The following ACSF3 variants were observed in gnomAD, a reference collection of about 807,000 sequenced individuals.
ACSF3 encodes the protein malonate--CoA ligase ACSF3, mitochondrial.
Under a neutral mutation model 53.2 loss-of-function variants are expected in ACSF3, and 78 were observed. The observed-to-expected ratio is 1.47, with a 90% CI of 1.22 to 1.77. The LOEUF is 1.77. Among genes scored for constraint, ACSF3 ranks in the 40% most tolerant of loss-of-function variants. The pLI is 0.00. For synonymous variants in ACSF3, 414 were observed against 333.1 expected (o/e 1.24, Z -2.65); for missense variants, 937 against 771.1 (o/e 1.22, Z -2.55).
chr16:89,146,016 C>G lies in ACSF3; in HGVS notation c.1580C>G (p.Ser527Ter), dbSNP rs1457774840. Residue 527 changes from serine to a stop codon, truncating the protein, a stop_gained, in exon 10 of 11, where the codon TCA (serine) becomes TGA (stop). Transcript: ENST00000614302. LOFTEE classifies it high-confidence loss of function. ...GTGGTGACCCTCCGAGAAGGACACTCACTGTCCCACAGGGAGCTCAAAGAG... is the reference window on the plus strand; with the variant it reads ...GTGGTGACCCTCCGAGAAGGACACTGACTGTCCCACAGGGAGCTCAAAGAG... ...TAVVTLREGHSLSHRELKEWA... is the reference protein window; with the variant it reads ...TAVVTLREGH The G allele has an allele frequency of 1.3e-5, 21 of 1,600,514 alleles. No individual in the cohort carries two copies. The highest frequency in any genetic ancestry group is 1.7e-5 in the Non-Finnish European group (20 of 1,171,548).
chr16:89,141,246 T>C, intron 8 of ACSF3: 1 of 1,287,200 alleles, frequency 7.8e-7, no homozygotes, highest in Non-Finnish European at 1.0e-6. Context: ...AACCAGCCAC[T>C]TTTCCCCTTG....
intron 8 of ACSF3, among the ~76,000 whole-genome samples, chr16:89,139,941 T>G (rs532708524): frequency 2.6e-5 from 4 of 152,292 alleles, no homozygotes; most frequent in Admixed American, 6.5e-5. Context: ...CCCAGACCCC[T>G]GAGCCCAGGT....
intron 9 of ACSF3, 52 bp from the exon 10 acceptor site, chr16:89,145,886 G>C: frequency 3.3e-6 from 5 of 1,502,052 alleles, no homozygotes; most frequent in Non-Finnish European, 3.7e-6. Context: ...TCTTCGGCCT[G>C]TAAGGGTCAC....
chr16:89,113,465 C>G (rs910262015), intron 5 of ACSF3: 1 of 152,350 alleles, frequency 6.6e-6, no homozygotes, highest in Non-Finnish European at 1.5e-5. Context: ...GGGCAGGCCC[C>G]AAGCTGAGCA....
chr16:89,099,160 G>T (rs775528504), intron 2 of ACSF3, among the ~76,000 whole-genome samples: 7 of 152,246 alleles, frequency 4.6e-5, no homozygotes, highest in Non-Finnish European at 1.0e-4. Context: ...TCTGGAATGC[G>T]GGGGCTGTGC....
chr16:89,153,464 C>T (rs917411907), intron 10 of ACSF3: 6 of 157,382 alleles, frequency 3.8e-5, no homozygotes, highest in Admixed American at 6.0e-5. Context: ...CACCGCCCAC[C>T]GCCCTGGCAC....
At chr16:89,097,151 G>A (rs1303968465) in intron 1 of ACSF3, among the ~76,000 whole-genome samples, 2 of 152,256 alleles carry the variant, frequency 1.3e-5, no homozygotes, top group African/African-American at 4.8e-5. Flanking sequence ...TGTGCTGTGT[G>A]TGCTCAGCGT....
intron 8 of ACSF3, among the ~76,000 whole-genome samples, chr16:89,137,448 A>G (rs112979838): frequency 5.9e-3 from 623 of 105,956 alleles, no homozygotes; most frequent in East Asian, 0.026. Context: ...GAAGAGCCCC[A>G]GGTCTCGGGA....
chr16:89,098,162 C>G (rs137911595), intron 1 of ACSF3, among the ~76,000 whole-genome samples: 8 of 152,350 alleles, frequency 5.3e-5, no homozygotes, highest in African/African-American at 7.2e-5. Flanking sequence ...TTGAGGGTCT[C>G]AAGCACAAAA....
In ACSF3 at chr16:89,093,874, GC is replaced by G; in HGVS notation, c.-313del. On this transcript the variant is annotated 5_prime_UTR_variant, in exon 1 of 11. Transcript: ENST00000614302. ...GCTGTTGGGCGCCGGAACTGGTCCG[GC>G]CCGACTCACGACCCCGCGGGACCCG... The G allele has an allele frequency of 3.2e-6, 1 of 317,068 alleles. No homozygotes were observed. The highest frequency in any genetic ancestry group is 6.6e-6 in the Non-Finnish European group (1 of 151,726). 19.6% of individuals were successfully genotyped at this position (317,068 alleles called of 1,614,324 possible).
rs367891462 is a variant in ACSF3, at chr16:89,120,878, A to T, written c.1204A>T (p.Thr402Ser). The T allele has an allele frequency of 6.2e-7, 1 of 1,613,868 alleles. No individual in the cohort carries two copies. Reference sequence around the variant, plus strand: ...CCCACAGAGGGAAGCCTGCTCCTACACCATCCACGCAGAGGGAGACGAGAG... The same window carrying T: ...CCCACAGAGGGAAGCCTGCTCCTACTCCATCCACGCAGAGGGAGACGAGAG... ...ENPQREACSY[T>S]IHAEGDERGT... Residue 402 changes from threonine (T) to serine (S), a missense_variant, in exon 7 of 11, where the codon ACC (threonine) becomes TCC (serine). Physicochemically the swap from Thr to Ser is moderately conservative, Grantham distance 58 (BLOSUM62 1). Transcript: ENST00000614302.
At chr16:89,137,584 C>T (rs72817492) in intron 8 of ACSF3, among the ~76,000 whole-genome samples, 12,279 of 99,308 alleles carry the variant, frequency 0.12, 1,322 homozygotes, top group East Asian at 0.61. Flanking sequence ...ACCAGGAGCT[C>T]GTGGGGAAGG....
At chr16:89,148,803 C>A (rs927375913) in intron 10 of ACSF3, 2 of 152,192 alleles carry the variant, frequency 1.3e-5, no homozygotes, top group African/African-American at 4.8e-5. Context: ...GGGCAGTGGC[C>A]CACAAAACCA....
rs765067984 is a variant in ACSF3 at position 89,155,442 on chromosome 16, A to G, written c.*1235A>G. ...GCCTGGGGCCCCTGCTCACTTGAGC[A>G]TGTCGCCCACCAAGCTTGTCTGAGG... On this transcript the variant is annotated 3_prime_UTR_variant, in exon 11 of 11. Coordinates refer to ENST00000614302, the MANE Select transcript of ACSF3 (RefSeq NM_001243279.3). 8 of 454,012 alleles carry G rather than the reference A, an allele frequency of 1.8e-5. No homozygotes were observed. The highest frequency in any genetic ancestry group is 3.1e-5 in the Non-Finnish European group (7 of 226,800). The allele number at this position is 454,012 out of a possible 1,614,324, so 28.1% of individuals were successfully genotyped here.
chr16:89,142,609 ACACC>A (rs1421956202), intron 8 of ACSF3, among the ~76,000 whole-genome samples: 1 of 149,624 alleles, frequency 6.7e-6, no homozygotes, highest in Non-Finnish European at 1.5e-5. Flanking sequence ...ACCTGCAGAC[ACACC>A]CACACCTGCA....
intron 4 of ACSF3, among the ~76,000 whole-genome samples, chr16:89,107,369 C>G (rs1567694530): frequency 6.6e-6 from 1 of 152,170 alleles, no homozygotes; most frequent in Non-Finnish European, 1.5e-5. Context: ...CATGCTGTCC[C>G]CGCCTCAGCA....
At chr16:89,140,979 G>C in intron 8 of ACSF3, 1 of 1,088,838 alleles carries the variant, frequency 9.2e-7, no homozygotes, top group Non-Finnish European at 1.2e-6. Flanking sequence ...ATTGGCAGCC[G>C]ACTCCGATTC....
chr16:89,151,846 ATCC>A (rs1489253498), intron 10 of ACSF3: 1 of 152,272 alleles, frequency 6.6e-6, no homozygotes, highest in Non-Finnish European at 1.5e-5. Context: ...ACTTCAAGTA[ATCC>A]TCCCGCCTCG....
intron 4 of ACSF3, among the ~76,000 whole-genome samples, chr16:89,109,253 AAAG>A (rs1411130728): frequency 1.3e-5 from 2 of 148,714 alleles, no homozygotes; most frequent in Admixed American, 1.3e-4. Context: ...AAAAAAAAGA[AAAG>A]AAAAGAAACT....
Sources: gnomAD v4.1 joint callset for allele counts (sites outside exome capture counted in the v4.1 genomes callset) on GRCh38, gnomAD v4.1.1 for gene constraint, MANE v1.5 for transcripts, NCBI Gene and HGNC (gene_info 2026-07-23, HGNC 2026-07-21) for gene names.